Variants in RMDN1 observed in about 807,000 individuals in gnomAD.
RMDN1 encodes the protein regulator of microtubule dynamics 1, also known as regulator of microtubule dynamics protein 1.
A neutral mutation model predicts 48.9 loss-of-function variants in RMDN1; 48 were observed. The ratio of observed to expected loss-of-function variants is 0.98; its 90% CI spans 0.78 to 1.25. The LOEUF (loss-of-function observed/expected upper bound fraction) is 1.25, where lower values mean the gene tolerates loss of function less well. RMDN1 is among the 50% of genes most tolerant of loss of function. The pLI is 0.00. For synonymous variants in RMDN1, 148 were observed against 132.6 expected (o/e 1.12, Z -0.80); for missense variants, 418 against 373.4 (o/e 1.12, Z -0.98).
exon 1 of RMDN1, chr8:86,514,309 T>C: frequency 1.0e-6 from 1 of 980,750 alleles, no homozygotes; most frequent in Non-Finnish European, 1.2e-6. Context: ...GCCAGCCTAC[T>C]GGCAAGGAGC....
At chr8:86,508,388 A>G in intron 1 of RMDN1, 104 bp downstream of exon 1, 1 of 1,301,624 alleles carries the variant, frequency 7.7e-7, no homozygotes, top group Non-Finnish European at 1.0e-6. Flanking sequence ...TCCTCGGTTC[A>G]CCACATTCCT....
chr8:86,496,749 AC>A (rs1439064786), intron 2 of RMDN1, among the ~76,000 whole-genome samples: 2 of 152,188 alleles, frequency 1.3e-5, no homozygotes, highest in Non-Finnish European at 2.9e-5. Context: ...CAGAAAACTA[AC>A]AAAAATATTC....
chr8:86,497,655 C>T lies in RMDN1; in HGVS notation c.248-9016G>A, dbSNP rs1299859516. The stretch of plus-strand genomic sequence containing the variant: ...GGCGGAGGCTGCAGTGAGCTGAGAT[C>T]GCACCACTGCACTCCAGCCTGAGCA... On this transcript the variant is annotated intron_variant, in intron 2 of 9. Coordinates refer to ENST00000406452, the MANE Select transcript of RMDN1 (RefSeq NM_016033.3). Among the ~76,000 whole-genome samples, 5 of 147,808 alleles carry T rather than the reference C, an allele frequency of 3.4e-5. No individual in the cohort carries two copies. In the East Asian group the frequency reaches 1.0e-3, roughly 30 times the overall value.
At chr8:86,504,523 T>C in intron 2 of RMDN1, 3 of 1,432,754 alleles carry the variant, frequency 2.1e-6, no homozygotes, top group Non-Finnish European at 3.0e-6. Flanking sequence ...TGCACGTGTG[T>C]TTAATACTAT....
intron 3 of RMDN1, 93 bp from the exon 4 acceptor site, chr8:86,486,736 G>T: frequency 2.3e-6 from 2 of 881,100 alleles, no homozygotes; most frequent in Non-Finnish European, 3.2e-6. Flanking sequence ...TGGTCTTTCA[G>T]CTTAGGAAGC....
At position 86,478,893 on chromosome 8, in the gene RMDN1, G is replaced by A. The variant is rs528407110; in HGVS notation, c.729+30C>T. 33 of 1,542,930 alleles carry A rather than the reference G, an allele frequency of 2.1e-5. No homozygotes were observed. In the East Asian group the frequency reaches 2.9e-4, roughly 14 times the overall value. On this transcript the variant is annotated intron_variant, in intron 7 of 9. Transcript: ENST00000406452. ...GAATGGCGCTGTGGTTAAGAAATCC[G>A]TACTAACTTAACAAAGGACATCATA...
At chr8:86,487,396 G>A (rs1815652158) in intron 3 of RMDN1, among the ~76,000 whole-genome samples, 1 of 152,152 alleles carries the variant, frequency 6.6e-6, no homozygotes, top group Non-Finnish European at 1.5e-5. Context: ...CTGAGGTCAG[G>A]AGTTCAAAAC....
chr8:86,482,149 C>G (rs1412875823), intron 5 of RMDN1: 1 of 489,018 alleles, frequency 2.0e-6, no homozygotes, highest in African/African-American at 2.0e-5. Context: ...TGCCTGTAAT[C>G]TCAGCATTTT....
downstream of RMDN1, chr8:86,468,665 CAAGT>C (rs1442746168): frequency 8.8e-6 from 4 of 455,984 alleles, no homozygotes; most frequent in Admixed American, 7.1e-5. Flanking sequence ...TGGTCTCCCT[CAAGT>C]AAGAAATTAC....
intron 2 of RMDN1, among the ~76,000 whole-genome samples, chr8:86,495,428 G>C (rs1817180171): frequency 6.6e-6 from 1 of 152,124 alleles, no homozygotes; most frequent in South Asian, 2.1e-4. Context: ...GTGGAGAACA[G>C]AGGGTTTAGC....
At chr8:86,480,121 A>G (rs558468927) in intron 6 of RMDN1, among the ~76,000 whole-genome samples, 156 bp downstream of exon 6, 1 of 152,206 alleles carries the variant, frequency 6.6e-6, no homozygotes, top group South Asian at 2.1e-4. Flanking sequence ...CTAACAATAT[A>G]TATACAAGGG....
chr8:86,474,243 A>C lies in RMDN1; in HGVS notation c.*65T>G. ...GTAGAACAGTTATAGTTCATATATT[A>C]AGTTTAGAATTAAAAGAAAAGGCAA... On this transcript the variant is annotated 3_prime_UTR_variant, in exon 10 of 10. Transcript: ENST00000406452. 1.9e-6 allele frequency: 3 copies of C among 1,603,630 alleles called. No homozygotes were observed. Among genetic ancestry groups the C allele is most frequent in the Non-Finnish European group, 2.6e-6 (3 of 1,175,868 alleles).
At chr8:86,477,697 G>A (rs374156917) in intron 7 of RMDN1, among the ~76,000 whole-genome samples, 18 of 152,168 alleles carry the variant, frequency 1.2e-4, no homozygotes, top group Non-Finnish European at 1.8e-4. Flanking sequence ...GAATTTATTC[G>A]TTGTACTAGT....
At chr8:86,503,371 C>CAAAAAAAAAAAAAAA (rs1182231210) in intron 2 of RMDN1, among the ~76,000 whole-genome samples, 19 of 67,908 alleles carry the variant, frequency 2.8e-4, no homozygotes, top group East Asian at 8.5e-4. Flanking sequence ...CAAAACAAAA[C>CAAAAAAAAAAAAAAA]AAAAAAAAAA....
In RMDN1 at chr8:86,488,579, TAA is replaced by T. The variant is rs747196042; in HGVS notation, c.306_307del (p.Tyr103SerfsTer10). ...TTCCTTGTATTGGGTTAGCAACTGA[TAA>T]AGTTTTTCTGTTTCTCCGCTTTCAT... On this transcript the variant is annotated frameshift_variant, in exon 3 of 10. Coordinates refer to ENST00000406452, the MANE Select transcript of RMDN1 (RefSeq NM_016033.3). LOFTEE classifies it high-confidence loss of function. 6.2e-7 allele frequency: 1 copy of T among 1,610,346 alleles called. No individual in the cohort carries two copies. Among genetic ancestry groups the T allele is most frequent in the Non-Finnish European group, 8.5e-7 (1 of 1,178,272 alleles).
Position 86,478,983 on chromosome 8 carries a change from C to A in RMDN1, c.669G>T (p.Trp223Cys). The A allele has an allele frequency of 6.2e-7, 1 of 1,613,854 alleles. No individual in the cohort carries two copies. Among genetic ancestry groups the A allele is most frequent in the Non-Finnish European group, 8.5e-7 (1 of 1,179,822 alleles). The part of the protein sequence containing the change: ...IWCYTFAEMP[W>C]YQRRIAKMLF... Reference sequence around the variant, plus strand: ...GCATTTTAGCAATTCTTCTTTGATACCAAGGCATTTCGGCAAATGTATAGC... The same window carrying A: ...GCATTTTAGCAATTCTTCTTTGATAACAAGGCATTTCGGCAAATGTATAGC... Residue 223 changes from tryptophan (W) to cysteine (C), a missense_variant, in exon 7 of 10, where the codon TGG becomes TGT. Transcript: ENST00000406452.
intron 3 of RMDN1, 58 bp from the exon 4 acceptor site, chr8:86,486,701 G>T: frequency 1.4e-6 from 2 of 1,381,234 alleles, no homozygotes; most frequent in East Asian, 2.4e-5. Context: ...AATTGTTAAG[G>T]GTTACATTAC....
At chr8:86,468,544 C>CA (rs1305146302), downstream of RMDN1, 1 of 418,642 alleles carries the variant, frequency 2.4e-6, no homozygotes, top group African/African-American at 2.1e-5. Flanking sequence ...CAAATGGTAC[C>CA]ACTGCTGTAT....
At chr8:86,504,805 A>C in intron 2 of RMDN1, 1 of 1,055,562 alleles carries the variant, frequency 9.5e-7, no homozygotes, top group Non-Finnish European at 1.5e-6. Flanking sequence ...TGCTCCAACT[A>C]TACCTCCAAC....
Sources: allele counts gnomAD v4.1 joint callset (sites outside exome capture counted in the v4.1 genomes callset), GRCh38; gene constraint gnomAD v4.1.1; transcripts MANE v1.5; gene names NCBI Gene and HGNC (gene_info 2026-07-23, HGNC 2026-07-21).